Variants in PSD3 observed in about 807,000 individuals in gnomAD.
PSD3 encodes pleckstrin and Sec7 domain containing 3, also known as PH and SEC7 domain-containing protein 3.
Under a neutral mutation model 105.5 loss-of-function variants are expected in PSD3, and 49 were observed. The observed-to-expected ratio is 0.46, with a 90% CI of 0.37 to 0.59. The LOEUF is 0.59. PSD3 is among the 20% of genes least tolerant of loss of function. The pLI is 0.00. For synonymous variants in PSD3, 557 were observed against 457.8 expected, an observed-to-expected ratio of 1.22 and a Z score of -2.77; for missense variants, 1,561 against 1,263.8, an observed-to-expected ratio of 1.24 and a Z score of -3.57.
At chr8:18,612,892 A>G (rs1805370368) in intron 11 of PSD3, among the ~76,000 whole-genome samples, 1 of 152,218 alleles carries the variant, frequency 6.6e-6, no homozygotes, top group Non-Finnish European at 1.5e-5. Context: ...TGAGCCACAG[A>G]GTCGCTCAGA....
At chr8:18,890,258 A>G (rs1383150974) in intron 2 of PSD3, among the ~76,000 whole-genome samples, 4 of 152,210 alleles carry the variant, frequency 2.6e-5, no homozygotes, top group Admixed American at 6.5e-5. Context: ...TTCCTAGCTC[A>G]ATTTAATACT....
chr8:19,001,281 G>C (rs965760020), intron 1 of PSD3, among the ~76,000 whole-genome samples: 1 of 151,450 alleles, frequency 6.6e-6, no homozygotes, highest in African/African-American at 2.4e-5. Flanking sequence ...TTTTTGTAGA[G>C]GTGGGGTCTC....
intron 15 of PSD3, among the ~76,000 whole-genome samples, chr8:18,537,659 G>C (rs186122673): frequency 6.9e-6 from 1 of 144,150 alleles, no homozygotes; most frequent in East Asian, 2.1e-4. Flanking sequence ...TTAAGGAGAA[G>C]TCACTGGTGT....
intron 4 of PSD3, among the ~76,000 whole-genome samples, chr8:18,862,922 T>C (rs551591467): frequency 2.0e-5 from 3 of 146,448 alleles, no homozygotes; most frequent in African/African-American, 7.6e-5. Flanking sequence ...CCCACAAATA[T>C]CAAATTCAGA....
At chr8:18,585,080 C>T (rs1224562954) in intron 12 of PSD3, among the ~76,000 whole-genome samples, 3 of 152,220 alleles carry the variant, frequency 2.0e-5, no homozygotes, top group East Asian at 3.9e-4. Flanking sequence ...CTCCAGAACA[C>T]GAAGCCCTCT....
intron 4 of PSD3, among the ~76,000 whole-genome samples, chr8:18,850,900 C>G (rs994149353): frequency 3.3e-5 from 5 of 152,142 alleles, no homozygotes; most frequent in African/African-American, 1.2e-4. Context: ...ATGCTGGGCA[C>G]AGAAACTCTA....
chr8:18,554,691 T>A (rs773613548), intron 15 of PSD3, among the ~76,000 whole-genome samples: 1 of 152,006 alleles, frequency 6.6e-6, no homozygotes, highest in Non-Finnish European at 1.5e-5. Context: ...AGGCTCATAG[T>A]TTTGGGTAGG....
At chr8:18,539,732 G>A (rs1800049643) in intron 15 of PSD3, among the ~76,000 whole-genome samples, 1 of 151,830 alleles carries the variant, frequency 6.6e-6, no homozygotes, top group Non-Finnish European at 1.5e-5. Context: ...TGTGTTAGTA[G>A]AGACAGGATT....
chr8:18,551,505 T>C (rs1800767144), intron 15 of PSD3, among the ~76,000 whole-genome samples: 1 of 152,216 alleles, frequency 6.6e-6, no homozygotes, highest in African/African-American at 2.4e-5. Context: ...GCATCATGCT[T>C]CAAGAATGTC....
chr8:18,821,454 A>G (rs1812695171), intron 4 of PSD3, among the ~76,000 whole-genome samples: 2 of 152,172 alleles, frequency 1.3e-5, no homozygotes, highest in Non-Finnish European at 1.5e-5. Context: ...TCCTCATGAA[A>G]AAAAATTACA....
At chr8:18,850,602 G>C (rs1192848412) in intron 4 of PSD3, among the ~76,000 whole-genome samples, 1 of 152,172 alleles carries the variant, frequency 6.6e-6, no homozygotes, top group Admixed American at 6.5e-5. Flanking sequence ...ATTGTCGTAA[G>C]TTATTTAAAA....
At chr8:18,747,676 A>G (rs1453015012) in intron 9 of PSD3, among the ~76,000 whole-genome samples, 1 of 152,200 alleles carries the variant, frequency 6.6e-6, no homozygotes, top group African/African-American at 2.4e-5. Flanking sequence ...AGACTGCCAC[A>G]TGGTAAGGAA....
At chr8:19,043,858 G>T (rs897003748) in intron 1 of PSD3, among the ~76,000 whole-genome samples, 2 of 152,174 alleles carry the variant, frequency 1.3e-5, no homozygotes, top group Non-Finnish European at 2.9e-5. Flanking sequence ...AAATTACCTA[G>T]TCTGTGGTAT....
rs557757030 is a variant in PSD3 at position 18,758,165 on chromosome 8, C to A, written c.2172+7284G>T. Among the ~76,000 whole-genome samples the A allele has an allele frequency of 6.5e-4, 99 of 152,116 alleles. 1 individual carries two copies. Among genetic ancestry groups the A allele is most frequent in the Non-Finnish European group, 7.6e-4 (52 of 68,026 alleles). On this transcript the variant is annotated intron_variant, in intron 9 of 15. Transcript: ENST00000327040. ...AACCAGAATGTTGACATTAATAAAA[C>A]CTAGTCTTATTCTGATGTCTCCAGC...
intron 12 of PSD3, among the ~76,000 whole-genome samples, chr8:18,596,235 T>A (rs539762644): frequency 6.6e-6 from 1 of 151,906 alleles, no homozygotes; most frequent in African/African-American, 2.4e-5. Flanking sequence ...TGCCAAAACT[T>A]GTGGAAGGAA....
At chr8:18,879,351 T>C (rs1817966248) in intron 2 of PSD3, among the ~76,000 whole-genome samples, 1 of 152,280 alleles carries the variant, frequency 6.6e-6, no homozygotes, top group South Asian at 2.1e-4. Context: ...GCTTTACTAT[T>C]AAATACTGGA....
chr8:18,556,890 C>G (rs536589673), intron 14 of PSD3, among the ~76,000 whole-genome samples: 1 of 152,206 alleles, frequency 6.6e-6, no homozygotes, highest in African/African-American at 2.4e-5. Flanking sequence ...GCAGCTATCT[C>G]GCTTTTCTCT....
intron 1 of PSD3, among the ~76,000 whole-genome samples, chr8:18,937,047 A>G (rs1366612225): frequency 1.3e-5 from 2 of 152,222 alleles, no homozygotes. Context: ...CCCTTATTTG[A>G]AACAAGAACT....
At chr8:18,575,683 G>C (rs1802423046) in intron 12 of PSD3, among the ~76,000 whole-genome samples, 1 of 152,142 alleles carries the variant, frequency 6.6e-6, no homozygotes, top group African/African-American at 2.4e-5. Flanking sequence ...CAACCTTACA[G>C]GTAACTGTCA....
Sources: allele counts gnomAD v4.1 joint callset (sites outside exome capture counted in the v4.1 genomes callset), GRCh38; gene constraint gnomAD v4.1.1; transcripts MANE v1.5; gene names NCBI Gene and HGNC (gene_info 2026-07-23, HGNC 2026-07-21).